Variants in ANKS1B observed in about 807,000 individuals in gnomAD.
The protein encoded by ANKS1B is ankyrin repeat and sterile alpha motif domain-containing protein 1B.
A neutral mutation model predicts 148.3 loss-of-function variants in ANKS1B; 36 were observed. The observed-to-expected ratio is 0.24, with a 90% CI of 0.19 to 0.32. ANKS1B has a LOEUF of 0.32. Ranked by LOEUF, ANKS1B falls within the 10% of genes least tolerant of loss-of-function variation. The pLI, the probability that ANKS1B is intolerant of heterozygous loss-of-function variation, is 1.00. For missense variants in ANKS1B, 1,157 were observed against 1,542.6 expected, an observed-to-expected ratio of 0.75 and a Z score of 4.19; for synonymous variants, 542 against 560.8, an observed-to-expected ratio of 0.97 and a Z score of 0.47.
chr12:99,224,092 AT>A (rs1416109465), intron 14 of ANKS1B, among the ~76,000 whole-genome samples: 1 of 152,046 alleles, frequency 6.6e-6, no homozygotes, highest in African/African-American at 2.4e-5. Flanking sequence ...GCCTGTATAT[AT>A]TTTTTAAATT....
At chr12:99,268,534 A>G (rs539154206) in intron 12 of ANKS1B, among the ~76,000 whole-genome samples, 40 of 152,188 alleles carry the variant, frequency 2.6e-4, no homozygotes, top group Non-Finnish European at 5.3e-4. Flanking sequence ...CACAACACAG[A>G]GTTCACCCCT....
intron 10 of ANKS1B, among the ~76,000 whole-genome samples, chr12:99,465,020 A>AC (rs1190963683): frequency 1.3e-5 from 2 of 152,230 alleles, no homozygotes; most frequent in African/African-American, 4.8e-5. Context: ...ATGAAGGAAA[A>AC]AGTGTTAAGG....
At chr12:99,134,699 A>ACC (rs2067403928) in intron 15 of ANKS1B, among the ~76,000 whole-genome samples, 1 of 128,658 alleles carries the variant, frequency 7.8e-6, no homozygotes, top group Non-Finnish European at 1.6e-5. Flanking sequence ...ACACACACAC[A>ACC]CCAGGCATTT....
chr12:99,930,862 C>T lies in ANKS1B; in HGVS notation c.134+53242G>A, dbSNP rs570898223. Among the ~76,000 whole-genome samples the T allele has an allele frequency of 2.6e-5, 4 of 152,200 alleles. No homozygotes were observed. In the Middle Eastern group the frequency reaches 0.01, roughly 388 times the overall value. On this transcript the variant is annotated intron_variant, in intron 1 of 26. Transcript: ENST00000683438. ...TACTGGGTATATACCCAAAGGATTA[C>T]AAATCATGCTGCTATAAAGACACAT...
At chr12:99,925,444 A>G (rs1030452404) in intron 1 of ANKS1B, among the ~76,000 whole-genome samples, 21 of 152,204 alleles carry the variant, frequency 1.4e-4, no homozygotes. Flanking sequence ...TCTCCCTGAG[A>G]ATTCTTAAAT....
intron 17 of ANKS1B, among the ~76,000 whole-genome samples, chr12:98,957,611 G>A (rs1235776677): frequency 6.6e-6 from 1 of 152,044 alleles, no homozygotes; most frequent in Non-Finnish European, 1.5e-5. Flanking sequence ...CTCCCAAAGT[G>A]CTGGGATTAC....
At chr12:99,470,547 G>A (rs2096223528) in intron 10 of ANKS1B, among the ~76,000 whole-genome samples, 1 of 152,082 alleles carries the variant, frequency 6.6e-6, no homozygotes, top group Non-Finnish European at 1.5e-5. Flanking sequence ...ACTTAGGAAA[G>A]CTATCAATTC....
At chr12:99,885,513 C>T (rs1196964123) in intron 1 of ANKS1B, among the ~76,000 whole-genome samples, 1 of 152,084 alleles carries the variant, frequency 6.6e-6, no homozygotes, top group African/African-American at 2.4e-5. Context: ...CCATGTTAGC[C>T]AGGATGGTCT....
At chr12:98,848,503 A>G (rs972847402) in intron 17 of ANKS1B, among the ~76,000 whole-genome samples, 1 of 151,982 alleles carries the variant, frequency 6.6e-6, no homozygotes, top group African/African-American at 2.4e-5. Context: ...CCCACACTTA[A>G]ATTAAATCTC....
At chr12:98,981,010 A>ATT (rs893307063) in intron 17 of ANKS1B, among the ~76,000 whole-genome samples, 1 of 146,928 alleles carries the variant, frequency 6.8e-6, no homozygotes, top group Admixed American at 6.8e-5. Context: ...GTTCAGTTAA[A>ATT]TTTTTTTTTT....
chr12:99,403,984 T>C lies in ANKS1B; in HGVS notation c.1576-4173A>G, dbSNP rs1386592213. Among the ~76,000 whole-genome samples, 3 of 146,552 alleles carry C rather than the reference T, an allele frequency of 2.0e-5. 1 individual carries two copies. The highest frequency in any genetic ancestry group is 7.7e-5 in the African/African-American group (3 of 38,712). On this transcript the variant is annotated intron_variant, in intron 11 of 26. Coordinates refer to ENST00000683438, the MANE Select transcript of ANKS1B (RefSeq NM_001352186.2). ...GTGGGATATAATATATAGCATGGAATACTATGCAGCCATAAAAAAGAATTA... is the reference window on the plus strand; with the variant it reads ...GTGGGATATAATATATAGCATGGAACACTATGCAGCCATAAAAAAGAATTA...
At chr12:99,980,117 T>A (rs946100943) in intron 1 of ANKS1B, among the ~76,000 whole-genome samples, 5 of 151,236 alleles carry the variant, frequency 3.3e-5, no homozygotes, top group African/African-American at 1.2e-4. Context: ...TCAACACTTT[T>A]AAAAGTACCA....
At chr12:99,984,045 T>G (rs951287194) in intron 1 of ANKS1B, 59 bp downstream of exon 1, 42 of 1,428,588 alleles carry the variant, frequency 2.9e-5, no homozygotes, top group Non-Finnish European at 3.5e-5. Context: ...GAGGAGGACG[T>G]ATATCCATCA....
intron 17 of ANKS1B, among the ~76,000 whole-genome samples, chr12:98,888,102 T>A (rs2099744324): frequency 6.6e-6 from 1 of 152,228 alleles, no homozygotes; most frequent in Non-Finnish European, 1.5e-5. Context: ...TTAAAAAATT[T>A]AATCTTTGTA....
At chr12:98,877,622 G>A (rs932112544) in intron 17 of ANKS1B, among the ~76,000 whole-genome samples, 1 of 152,152 alleles carries the variant, frequency 6.6e-6, no homozygotes, top group Non-Finnish European at 1.5e-5. Flanking sequence ...CATTGTGTTT[G>A]GTTTTGGGAA....
At chr12:99,345,845 T>TA (rs1047324270) in intron 12 of ANKS1B, among the ~76,000 whole-genome samples, 7 of 151,758 alleles carry the variant, frequency 4.6e-5, no homozygotes, top group African/African-American at 1.5e-4. Flanking sequence ...AGCCTGAGCC[T>TA]AAAAAAAATG....
chr12:98,963,618 C>A (rs1303586543), intron 17 of ANKS1B, among the ~76,000 whole-genome samples: 1 of 152,170 alleles, frequency 6.6e-6, no homozygotes, highest in Non-Finnish European at 1.5e-5. Flanking sequence ...TAATACCTTA[C>A]AAGCACAGGC....
chr12:99,278,093 G>A (rs1043375999), intron 12 of ANKS1B, among the ~76,000 whole-genome samples: 1 of 152,224 alleles, frequency 6.6e-6, no homozygotes, highest in Non-Finnish European at 1.5e-5. Context: ...CCCTTCCACA[G>A]AATGGAGCCG....
chr12:98,881,136 T>G (rs2099706899), intron 17 of ANKS1B, among the ~76,000 whole-genome samples: 1 of 152,212 alleles, frequency 6.6e-6, no homozygotes, highest in Admixed American at 6.5e-5. Context: ...AGAGCTAATT[T>G]CCATTTTATA....
Sources: allele counts gnomAD v4.1 joint callset (sites outside exome capture counted in the v4.1 genomes callset), GRCh38; gene constraint gnomAD v4.1.1; transcripts MANE v1.5; gene names NCBI Gene and HGNC (gene_info 2026-07-23, HGNC 2026-07-21).